Variants in KLHL29 observed in about 807,000 individuals in gnomAD.
KLHL29 encodes the protein kelch-like protein 29.
A neutral mutation model predicts 80.4 loss-of-function variants in KLHL29; 21 were observed. That is an observed-to-expected ratio of 0.26 (90% CI 0.19 to 0.38). The LOEUF (loss-of-function observed/expected upper bound fraction) is 0.38, where lower values mean the gene tolerates loss of function less well. KLHL29 is among the 10% of genes least tolerant of loss of function. The pLI is 1.00. For synonymous variants in KLHL29, 511 were observed against 526.8 expected (o/e 0.97, Z 0.41); for missense variants, 867 against 1,223.9 (o/e 0.71, Z 4.35).
intron 3 of KLHL29, among the ~76,000 whole-genome samples, chr2:23,592,023 G>A (rs1473923833): frequency 6.6e-6 from 1 of 152,254 alleles, no homozygotes; most frequent in African/African-American, 2.4e-5. Flanking sequence ...GTGACTTGGA[G>A]CACGGAAGGT....
At chr2:23,630,436 T>C (rs1397259677) in intron 3 of KLHL29, among the ~76,000 whole-genome samples, 1 of 152,118 alleles carries the variant, frequency 6.6e-6, no homozygotes, top group Non-Finnish European at 1.5e-5. Flanking sequence ...TGTGATAAAA[T>C]AGTAGACCCG....
At chr2:23,412,060 T>A (rs1158024710) in intron 1 of KLHL29, among the ~76,000 whole-genome samples, 1 of 147,602 alleles carries the variant, frequency 6.8e-6, no homozygotes, top group Admixed American at 7.0e-5. Flanking sequence ...TGTGGGAATG[T>A]GAGGTGGTTT....
chr2:23,648,109 ACCC>A (rs1180839334), intron 5 of KLHL29, among the ~76,000 whole-genome samples: 1 of 151,124 alleles, frequency 6.6e-6, no homozygotes, highest in Non-Finnish European at 1.5e-5. Flanking sequence ...GCAGCCCGTC[ACCC>A]CCCGACACCT....
At chr2:23,691,917 G>A in intron 7 of KLHL29, 41 bp downstream of exon 7, 2 of 1,527,714 alleles carry the variant, frequency 1.3e-6, no homozygotes, top group South Asian at 1.2e-5. Flanking sequence ...GGGGAAGAGT[G>A]CAGATGGGCG....
chr2:23,423,078 G>A (rs959881989), intron 1 of KLHL29, among the ~76,000 whole-genome samples: 2 of 151,776 alleles, frequency 1.3e-5, no homozygotes, highest in African/African-American at 4.9e-5. Context: ...TCATGGAGCC[G>A]TGGCGGGGAG....
At chr2:23,560,592 T>A (rs1309244230) in intron 2 of KLHL29, among the ~76,000 whole-genome samples, 1 of 152,048 alleles carries the variant, frequency 6.6e-6, no homozygotes, top group African/African-American at 2.4e-5. Flanking sequence ...TAAAAAGAAT[T>A]TTTGTGTCAT....
chr2:23,687,884 A>G (rs577891580), intron 6 of KLHL29, among the ~76,000 whole-genome samples: 1 of 152,098 alleles, frequency 6.6e-6, no homozygotes, highest in East Asian at 1.9e-4. Context: ...TTGCGACCAG[A>G]TGTGTGTTTT....
intron 2 of KLHL29, among the ~76,000 whole-genome samples, chr2:23,535,814 T>C (rs1666644960): frequency 1.3e-5 from 2 of 152,256 alleles, no homozygotes; most frequent in South Asian, 4.1e-4. Context: ...AGATGAAACA[T>C]TTTGGAGGTG....
chr2:23,574,501 C>T (rs1667794829), intron 3 of KLHL29, among the ~76,000 whole-genome samples: 1 of 152,068 alleles, frequency 6.6e-6, no homozygotes, highest in Non-Finnish European at 1.5e-5. Context: ...TGCCCTGGTT[C>T]GTGGAGACAA....
At chr2:23,480,807 C>G (rs1290176787) in intron 2 of KLHL29, among the ~76,000 whole-genome samples, 1 of 152,184 alleles carries the variant, frequency 6.6e-6, no homozygotes, top group African/African-American at 2.4e-5. Flanking sequence ...CCCACATGAA[C>G]TCTACGGGCT....
chr2:23,652,998 GGT>G (rs1170180391), intron 5 of KLHL29, among the ~76,000 whole-genome samples: 2 of 152,152 alleles, frequency 1.3e-5, no homozygotes, highest in Non-Finnish European at 2.9e-5. Context: ...CTAGGAGGTA[GGT>G]GTGTCTCAGC....
intron 3 of KLHL29, among the ~76,000 whole-genome samples, chr2:23,623,949 T>G (rs1436120408): frequency 2.0e-5 from 3 of 152,114 alleles, no homozygotes. Context: ...TGACCTCAAG[T>G]GAATCCATGA....
At chr2:23,638,829 T>G (rs1046420671) in intron 3 of KLHL29, among the ~76,000 whole-genome samples, 5 of 152,182 alleles carry the variant, frequency 3.3e-5, no homozygotes, top group African/African-American at 4.8e-5. Context: ...TATCTCAGAA[T>G]GCTCTTCCCG....
At chr2:23,653,092 C>T (rs373993773) in intron 5 of KLHL29, among the ~76,000 whole-genome samples, 4 of 152,210 alleles carry the variant, frequency 2.6e-5, no homozygotes, top group African/African-American at 4.8e-5. Flanking sequence ...AATTTACTCC[C>T]GAGCAGCAAC....
At chr2:23,502,853 G>A (rs1377050088) in intron 2 of KLHL29, among the ~76,000 whole-genome samples, 1 of 152,206 alleles carries the variant, frequency 6.6e-6, no homozygotes. Flanking sequence ...GCTGCAGTGT[G>A]GTCCAAGCCC....
rs1671063889 is a variant in KLHL29, at chr2:23,680,793, C to G, written c.941-3606C>G. On this transcript the variant is annotated intron_variant, in intron 5 of 13. Coordinates refer to ENST00000486442, the MANE Select transcript of KLHL29 (RefSeq NM_052920.2). This position sits in a 1 kb window ranked among gnomAD's most constrained non-coding sequence, Gnocchi z 4.1. ...TCTCTAGGCCATCTTCTCCTGGGGT[C>G]TCTAGGCCATCTTCTCCTGGGGTCT... is the stretch of plus-strand genomic sequence containing the variant. Among the ~76,000 whole-genome samples the G allele has an allele frequency of 6.6e-6, 1 of 152,050 alleles. No individual in the cohort carries two copies. The highest frequency in any genetic ancestry group is 1.5e-5 in the Non-Finnish European group (1 of 68,002).
At chr2:23,423,284 C>CT (rs1222243318) in intron 1 of KLHL29, among the ~76,000 whole-genome samples, 4 of 152,342 alleles carry the variant, frequency 2.6e-5, no homozygotes, top group African/African-American at 2.4e-5. Flanking sequence ...CCAGAGGCGT[C>CT]TGCTGCGTGG....
intron 1 of KLHL29, among the ~76,000 whole-genome samples, chr2:23,436,189 G>A (rs6726802): frequency 0.44 from 67,463 of 151,626 alleles, 15,773 homozygotes; most frequent in African/African-American, 0.6. Flanking sequence ...TATTTCTTGC[G>A]TATTCCCCGC....
chr2:23,403,026 C>T (rs542755452), intron 1 of KLHL29, among the ~76,000 whole-genome samples: 1 of 149,248 alleles, frequency 6.7e-6, no homozygotes, highest in Admixed American at 6.6e-5. Context: ...ATATAGTGTA[C>T]ACTATAATGT....
Sources: allele counts gnomAD v4.1 joint callset (sites outside exome capture counted in the v4.1 genomes callset), GRCh38; gene constraint gnomAD v4.1.1; non-coding constraint Gnocchi (gnomAD v3.1); transcripts MANE v1.5; gene names NCBI Gene and HGNC (gene_info 2026-07-23, HGNC 2026-07-21).